SUGCT: variants seen among roughly 807,000 people sequenced by gnomAD.
SUGCT encodes succinyl-CoA:glutarate-CoA transferase.
In SUGCT, 41 loss-of-function variants were observed where a neutral mutation model predicts 55.0. The ratio of observed to expected loss-of-function variants is 0.74; its 90% CI spans 0.58 to 0.97. SUGCT has a LOEUF of 0.97. Ranked by LOEUF, SUGCT falls within the 50% of genes least tolerant of loss-of-function variation. The pLI, the probability that SUGCT is intolerant of heterozygous loss-of-function variation, is 0.00. For synonymous variants in SUGCT, 187 were observed against 200.4 expected (o/e 0.93, Z 0.56); for missense variants, 568 against 547.8 (o/e 1.04, Z -0.37).
At chr7:40,272,095 CTA>C (rs1224826122) in intron 7 of SUGCT, among the ~76,000 whole-genome samples, 2 of 85,414 alleles carry the variant, frequency 2.3e-5, no homozygotes, top group African/African-American at 9.4e-5. Context: ...CTCTCTCTCT[CTA>C]TATATATATA....
the SUGCT span, among the ~76,000 whole-genome samples, chr7:40,961,837 T>C: frequency 7.9e-5 from 12 of 152,194 alleles, no homozygotes; most frequent in Non-Finnish European, 1.6e-4. Context: ...GAGTTGTTTG[T>C]TCCTCCCGGT....
At chr7:40,672,906 G>T (rs370049104) in intron 12 of SUGCT, among the ~76,000 whole-genome samples, 1 of 152,272 alleles carries the variant, frequency 6.6e-6, no homozygotes, top group African/African-American at 2.4e-5. Flanking sequence ...TGATAAATGT[G>T]TTGGTGTGTA....
intron 9 of SUGCT, among the ~76,000 whole-genome samples, chr7:40,330,214 C>G (rs1356046729): frequency 6.6e-6 from 1 of 152,230 alleles, no homozygotes; most frequent in Non-Finnish European, 1.5e-5. Flanking sequence ...GCTGACCTTT[C>G]TGAGTGTGTG....
chr7:40,856,503 G>T (rs1173418055), intron 13 of SUGCT, among the ~76,000 whole-genome samples: 1 of 152,164 alleles, frequency 6.6e-6, no homozygotes, highest in Non-Finnish European at 1.5e-5. Context: ...GACAGTACAT[G>T]AAATAATGAG....
chr7:40,614,346 C>G lies in SUGCT; in HGVS notation c.1089+117960C>G, dbSNP rs149037043. Among the ~76,000 whole-genome samples, 23 of 152,292 alleles carry G rather than the reference C, an allele frequency of 1.5e-4. No homozygotes were observed. The East Asian group carries it at 4.1e-3, about 27-fold the overall frequency. ...CTGCTTTATGTTAGTTTGGGAACCA[C>G]CAGCACATACAATGTAAGCAGGCTT... On this transcript the variant is annotated intron_variant, in intron 12 of 13. Transcript: ENST00000335693.
At chr7:40,771,522 C>T (rs1230527989) in intron 13 of SUGCT, among the ~76,000 whole-genome samples, 2 of 152,070 alleles carry the variant, frequency 1.3e-5, no homozygotes, top group African/African-American at 4.8e-5. Flanking sequence ...TCAGAGCAAT[C>T]CAGGATCGTA....
At chr7:40,895,261 T>A in the SUGCT span, among the ~76,000 whole-genome samples, 1 of 151,862 alleles carries the variant, frequency 6.6e-6, no homozygotes, top group East Asian at 1.9e-4. Flanking sequence ...AGCTCAACAA[T>A]AAGAGCACAT....
chr7:40,202,373 A>G (rs549217284), intron 6 of SUGCT, among the ~76,000 whole-genome samples: 81 of 152,250 alleles, frequency 5.3e-4, no homozygotes, highest in African/African-American at 1.9e-3. Flanking sequence ...ACTTCAGGCT[A>G]CTTTCTTGGG....
chr7:40,566,181 AG>A (rs1295242167), intron 12 of SUGCT, among the ~76,000 whole-genome samples: 1 of 152,152 alleles, frequency 6.6e-6, no homozygotes, highest in African/African-American at 2.4e-5. Context: ...CCAAGTAAAC[AG>A]ACAGAATATC....
At chr7:40,160,290 A>G (rs1329120059) in intron 1 of SUGCT, among the ~76,000 whole-genome samples, 4 of 152,104 alleles carry the variant, frequency 2.6e-5, no homozygotes, top group African/African-American at 9.6e-5. Context: ...GTGCAGTGGT[A>G]TGATCTCGGC....
intron 12 of SUGCT, among the ~76,000 whole-genome samples, chr7:40,674,692 G>A (rs1157869667): frequency 6.6e-6 from 1 of 152,150 alleles, no homozygotes; most frequent in Non-Finnish European, 1.5e-5. Flanking sequence ...TTCACAAGTA[G>A]AAATGAAGAA....
intron 13 of SUGCT, among the ~76,000 whole-genome samples, chr7:40,858,676 A>G (rs1261314143): frequency 6.6e-6 from 1 of 152,122 alleles, no homozygotes; most frequent in Non-Finnish European, 1.5e-5. Context: ...TTCTTGGGAG[A>G]GCTGTGGACC....
chr7:40,890,036 CAT>C, the SUGCT span, among the ~76,000 whole-genome samples: 1 of 151,666 alleles, frequency 6.6e-6, no homozygotes, highest in East Asian at 1.9e-4. Flanking sequence ...GCATATCTGA[CAT>C]ATAGTAGTTG....
the SUGCT span, among the ~76,000 whole-genome samples, chr7:40,994,079 G>C: frequency 6.6e-6 from 1 of 152,130 alleles, no homozygotes; most frequent in Non-Finnish European, 1.5e-5. Context: ...AGAGAGAAAA[G>C]TGACAACTAC....
At chr7:40,567,020 C>T (rs1333754084) in intron 12 of SUGCT, among the ~76,000 whole-genome samples, 1 of 152,160 alleles carries the variant, frequency 6.6e-6, no homozygotes. Context: ...CCCCAAAAGC[C>T]ACATCTAAAA....
chr7:40,905,904 G>C, the SUGCT span, among the ~76,000 whole-genome samples: 1 of 152,034 alleles, frequency 6.6e-6, no homozygotes, highest in South Asian at 2.1e-4. Flanking sequence ...TTTTTGTAGA[G>C]ATGGGGCCTC....
the SUGCT span, among the ~76,000 whole-genome samples, chr7:40,899,341 T>G: frequency 6.6e-6 from 1 of 152,186 alleles, no homozygotes; most frequent in Non-Finnish European, 1.5e-5. Flanking sequence ...GCCTCCCATT[T>G]TGGCACCTCG....
At chr7:40,831,185 C>T (rs559649507) in intron 13 of SUGCT, among the ~76,000 whole-genome samples, 87 of 152,244 alleles carry the variant, frequency 5.7e-4, no homozygotes, top group African/African-American at 1.9e-3. Context: ...TTTAGATTCC[C>T]GTAAAAAGCC....
chr7:40,515,208 A>C (rs995731449), intron 12 of SUGCT, among the ~76,000 whole-genome samples: 3 of 152,136 alleles, frequency 2.0e-5, no homozygotes, highest in African/African-American at 2.4e-5. Flanking sequence ...ACCCACCCTC[A>C]TTCCTGATCC....
Sources: gnomAD v4.1 joint callset for allele counts (sites outside exome capture counted in the v4.1 genomes callset) on GRCh38, gnomAD v4.1.1 for gene constraint, MANE v1.5 for transcripts, NCBI Gene and HGNC (gene_info 2026-07-23, HGNC 2026-07-21) for gene names.